Variants in ANKFN1 observed in about 807,000 individuals in gnomAD.
The protein encoded by ANKFN1 is ankyrin repeat and fibronectin type III domain containing 1, also known as ankyrin repeat and fibronectin type-III domain-containing protein 1.
Under a neutral mutation model 108.7 loss-of-function variants are expected in ANKFN1, and 74 were observed. The ratio of observed to expected loss-of-function variants is 0.68; its 90% CI spans 0.56 to 0.83. ANKFN1 has a LOEUF of 0.83. ANKFN1 is among the 40% of genes least tolerant of loss of function. The pLI, the probability that ANKFN1 is intolerant of heterozygous loss-of-function variation, is 0.00. For synonymous variants in ANKFN1, 547 were observed against 516.2 expected (o/e 1.06, Z -0.81); for missense variants, 1,505 against 1,382.3 (o/e 1.09, Z -1.41).
chr17:56,175,067 G>T (rs72831972), intron 1 of ANKFN1, among the ~76,000 whole-genome samples: 6,258 of 152,074 alleles, frequency 0.041, 140 homozygotes, highest in Middle Eastern at 0.071. Context: ...CTATATCCAC[G>T]TTTGTATTAA....
At chr17:56,306,273 C>T (rs571362380) in intron 3 of ANKFN1, among the ~76,000 whole-genome samples, 1 of 152,294 alleles carries the variant, frequency 6.6e-6, no homozygotes, top group African/African-American at 2.4e-5. Flanking sequence ...TATGTTGAAT[C>T]TTCTAATCCA....
chr17:56,047,548 C>T (rs933487641), intron 4 of ANKFN1, among the ~76,000 whole-genome samples: 13 of 152,072 alleles, frequency 8.5e-5, no homozygotes, highest in African/African-American at 3.1e-4. Flanking sequence ...GCCCCAGCTC[C>T]CAAGTTGCTA....
chr17:56,383,681 A>G (rs1289813470), intron 8 of ANKFN1, among the ~76,000 whole-genome samples: 12 of 152,226 alleles, frequency 7.9e-5, no homozygotes, highest in Non-Finnish European at 1.6e-4. Flanking sequence ...ACAAACTACC[A>G]TCAGAGAATA....
At chr17:56,210,213 A>G (rs764131117) in intron 1 of ANKFN1, among the ~76,000 whole-genome samples, 9 of 152,176 alleles carry the variant, frequency 5.9e-5, no homozygotes, top group Non-Finnish European at 1.2e-4. Flanking sequence ...ATGCATGTAC[A>G]AGTATCTTTT....
intron 8 of ANKFN1, among the ~76,000 whole-genome samples, chr17:56,413,337 G>T (rs551583383): frequency 1.3e-5 from 2 of 152,214 alleles, no homozygotes; most frequent in Admixed American, 1.3e-4. Flanking sequence ...AGATTATGGG[G>T]TTTCCTAGAT....
At chr17:56,104,596 A>G (rs1217121354) in intron 4 of ANKFN1, among the ~76,000 whole-genome samples, 1 of 152,168 alleles carries the variant, frequency 6.6e-6, no homozygotes, top group Admixed American at 6.5e-5. Flanking sequence ...AGGTGCCCAG[A>G]GCTAGCCCTT....
At chr17:56,160,139 A>C (rs926680221) in intron 1 of ANKFN1, among the ~76,000 whole-genome samples, 3 of 152,240 alleles carry the variant, frequency 2.0e-5, no homozygotes, top group Non-Finnish European at 4.4e-5. Flanking sequence ...TTTACAGCTA[A>C]ACATTATTTA....
chr17:56,276,030 T>C lies in ANKFN1; in HGVS notation c.53+48073T>C, dbSNP rs554231673. On this transcript the variant is annotated intron_variant, in intron 3 of 20. Transcript: ENST00000682825. ...ATCCCTCCCCTAGCCTCCCACCCCATGACAGGCCCCAGAGTGTGACATTCC... is the reference window on the plus strand; with the variant it reads ...ATCCCTCCCCTAGCCTCCCACCCCACGACAGGCCCCAGAGTGTGACATTCC... 1.1e-4 allele frequency among the ~76,000 whole-genome samples: 17 copies of C among 152,022 alleles called. No homozygotes were observed. The South Asian group carries it at 2.1e-3, about 19-fold the overall frequency.
At chr17:56,279,873 C>T (rs1393413089) in intron 3 of ANKFN1, among the ~76,000 whole-genome samples, 1 of 152,192 alleles carries the variant, frequency 6.6e-6, no homozygotes, top group Non-Finnish European at 1.5e-5. Flanking sequence ...AATATGAGCA[C>T]TAAACCAGTG....
chr17:56,230,111 A>G (rs1482900982), intron 3 of ANKFN1, among the ~76,000 whole-genome samples: 1 of 152,158 alleles, frequency 6.6e-6, no homozygotes, highest in Non-Finnish European at 1.5e-5. Flanking sequence ...GAATGACAGG[A>G]GACTTTCCAA....
At chr17:56,454,774 AG>A (rs1174119428) in intron 11 of ANKFN1, among the ~76,000 whole-genome samples, 2 of 152,180 alleles carry the variant, frequency 1.3e-5, no homozygotes, top group Non-Finnish European at 2.9e-5. Flanking sequence ...TATGTATAAA[AG>A]CTTATGCACA....
At chr17:56,082,580 A>G (rs1046057285) in intron 4 of ANKFN1, among the ~76,000 whole-genome samples, 7 of 152,216 alleles carry the variant, frequency 4.6e-5, no homozygotes, top group African/African-American at 1.7e-4. Context: ...TTAGAACAGA[A>G]GCCCAGGAAT....
At position 56,334,907 on chromosome 17, in the gene ANKFN1, GT is replaced by G. The variant is rs754272699; in HGVS notation, c.188+8553del. Among the ~76,000 whole-genome samples the G allele has an allele frequency of 1.2e-3, 180 of 152,232 alleles. 2 individuals are homozygous for G. Among genetic ancestry groups the G allele is most frequent in the Non-Finnish European group, 4.9e-4 (33 of 68,014 alleles). ...CATCTTGAATTAATTTTTGTGGAAG[GT>G]GTAAGGAAGGGATCCAGTTTCAGCT... On this transcript the variant is annotated intron_variant, in intron 4 of 20. Transcript: ENST00000682825.
chr17:56,497,847 C>T (rs754024566), intron 19 of ANKFN1, among the ~76,000 whole-genome samples: 1 of 151,976 alleles, frequency 6.6e-6, no homozygotes, highest in Non-Finnish European at 1.5e-5. Flanking sequence ...CCCAAGTCAT[C>T]GAGTGAAATT....
chr17:56,144,185 A>AAACTACT (rs1555600058), intron 4 of ANKFN1, among the ~76,000 whole-genome samples: 1 of 99,232 alleles, frequency 1.0e-5, no homozygotes, highest in African/African-American at 3.6e-5. Context: ...AAAAAAAAAA[A>AAACTACT]CAGCCCAAAC....
At chr17:56,262,552 A>T (rs2043541257) in intron 3 of ANKFN1, among the ~76,000 whole-genome samples, 1 of 152,172 alleles carries the variant, frequency 6.6e-6, no homozygotes, top group Admixed American at 6.5e-5. Context: ...ACTTTCAGCA[A>T]CCGTATTCCT....
chr17:56,204,034 A>C (rs1287876862), intron 1 of ANKFN1, among the ~76,000 whole-genome samples: 1 of 147,678 alleles, frequency 6.8e-6, no homozygotes, highest in Non-Finnish European at 1.5e-5. Context: ...TTGTTTGTTT[A>C]TATTAAATTA....
intron 8 of ANKFN1, among the ~76,000 whole-genome samples, chr17:56,418,755 TC>T (rs1332688140): frequency 4.0e-5 from 6 of 150,128 alleles, no homozygotes; most frequent in Non-Finnish European, 8.9e-5. Context: ...AACTCCTGAC[TC>T]CCAGTTCATT....
At chr17:56,297,486 G>C (rs939689200) in intron 3 of ANKFN1, among the ~76,000 whole-genome samples, 1 of 152,178 alleles carries the variant, frequency 6.6e-6, no homozygotes, top group Non-Finnish European at 1.5e-5. Context: ...GCAGCTTCCA[G>C]AACAAGATTT....
Sources: gnomAD v4.1 joint callset for allele counts (sites outside exome capture counted in the v4.1 genomes callset) on GRCh38, gnomAD v4.1.1 for gene constraint, MANE v1.5 for transcripts, NCBI Gene and HGNC (gene_info 2026-07-23, HGNC 2026-07-21) for gene names.